Variants in PAPPA observed in about 807,000 individuals in gnomAD.
PAPPA encodes the protein pappalysin 1.
In PAPPA, 60 loss-of-function variants were observed where a neutral mutation model predicts 164.0. That is an observed-to-expected ratio of 0.37 (90% confidence interval 0.30 to 0.45). The LOEUF (loss-of-function observed/expected upper bound fraction) is 0.45. Among genes scored for constraint, PAPPA ranks in the 20% least tolerant of loss-of-function variants. PAPPA has a pLI of 1.00. For missense variants in PAPPA, 1,782 were observed against 2,087.3 expected, an observed-to-expected ratio of 0.85 and a Z score of 2.85; for synonymous variants, 875 against 814.1, an observed-to-expected ratio of 1.07 and a Z score of -1.27.
chr9:116,229,703 A>G (rs559356086), intron 6 of PAPPA, among the ~76,000 whole-genome samples: 1 of 152,344 alleles, frequency 6.6e-6, no homozygotes, highest in South Asian at 2.1e-4. Context: ...CATGTCATAA[A>G]GATTGCTCAG....
At chr9:116,294,435 G>A (rs1037878579) in intron 9 of PAPPA, among the ~76,000 whole-genome samples, 7 of 152,206 alleles carry the variant, frequency 4.6e-5, no homozygotes, top group Non-Finnish European at 8.8e-5. Context: ...ATCTGGTTGA[G>A]GAGGTTAAGA....
intron 9 of PAPPA, chr9:116,286,101 G>A (rs183296600): frequency 1.3e-5 from 2 of 152,286 alleles, no homozygotes; most frequent in East Asian, 3.9e-4. Flanking sequence ...GAGGTAGAAA[G>A]TATGCTATCT....
chr9:116,248,479 C>T (rs1564198066), intron 7 of PAPPA, among the ~76,000 whole-genome samples: 1 of 152,178 alleles, frequency 6.6e-6, no homozygotes, highest in Admixed American at 6.5e-5. Flanking sequence ...CAGCAGGTTA[C>T]ATGTCATGTT....
At chr9:116,312,312 G>A (rs150525980) in intron 10 of PAPPA, among the ~76,000 whole-genome samples, 3 of 64,872 alleles carry the variant, frequency 4.6e-5, no homozygotes, top group Non-Finnish European at 1.0e-4. Context: ...TTTTGTTATT[G>A]TTTTGTTTTA....
intron 7 of PAPPA, among the ~76,000 whole-genome samples, chr9:116,264,621 A>T (rs977856183): frequency 2.0e-5 from 3 of 152,230 alleles, no homozygotes; most frequent in Admixed American, 1.3e-4. Context: ...CTGAAATAAC[A>T]GACGGGCAGG....
intron 2 of PAPPA, among the ~76,000 whole-genome samples, chr9:116,193,398 A>G (rs564226326): frequency 1.3e-5 from 2 of 152,188 alleles, no homozygotes; most frequent in East Asian, 3.9e-4. Flanking sequence ...CATAAACTTC[A>G]TACTTTCCTC....
At chr9:116,243,076 G>T (rs1003555688) in intron 7 of PAPPA, among the ~76,000 whole-genome samples, 1 of 152,106 alleles carries the variant, frequency 6.6e-6, no homozygotes, top group Non-Finnish European at 1.5e-5. Flanking sequence ...CAGCCCTATT[G>T]CATGTCCATT....
Position 116,154,839 on chromosome 9 carries a change from G to A in PAPPA, c.415+252G>A, listed in dbSNP as rs1205844074. Among the ~76,000 whole-genome samples the A allele has an allele frequency of 6.6e-6, 1 of 152,176 alleles. No homozygotes were observed. Among genetic ancestry groups the A allele is most frequent in the African/African-American group, 2.4e-5 (1 of 41,452 alleles). On this transcript the variant is annotated intron_variant, in intron 1 of 21. Transcript: ENST00000328252. The surrounding 1 kb of genome is among the most constrained non-coding windows in gnomAD (Gnocchi z 5.2). ...TGGGGAGCCCTCCTGGCGGCCCCGC[G>A]GACCCTCGGCCAGTGAGGGCTGGTT...
intron 7 of PAPPA, among the ~76,000 whole-genome samples, chr9:116,264,098 A>AG (rs1295025044): frequency 2.0e-5 from 3 of 152,110 alleles, no homozygotes; most frequent in Admixed American, 6.5e-5. Context: ...GCATAATACA[A>AG]GGCATGTCAT....
chr9:116,321,864 C>A (rs1032262467), intron 10 of PAPPA, among the ~76,000 whole-genome samples: 1 of 152,090 alleles, frequency 6.6e-6, no homozygotes, highest in Non-Finnish European at 1.5e-5. Flanking sequence ...TTCAGATGGA[C>A]AAACAAGAAA....
At chr9:116,272,266 C>T (rs537556145) in intron 9 of PAPPA, among the ~76,000 whole-genome samples, 20 of 152,220 alleles carry the variant, frequency 1.3e-4, no homozygotes, top group Non-Finnish European at 2.1e-4. Context: ...CAGCTAATCC[C>T]CTGGGCTGGA....
At chr9:116,218,907 A>G (rs1458279930) in intron 4 of PAPPA, among the ~76,000 whole-genome samples, 3 of 152,224 alleles carry the variant, frequency 2.0e-5, no homozygotes, top group African/African-American at 7.2e-5. Flanking sequence ...CCAAAACTCC[A>G]GAGAAGGAAA....
intron 21 of PAPPA, among the ~76,000 whole-genome samples, chr9:116,385,608 TTTGCTAGCTCTGAATGCATTTCATACTG>T (rs1488765332): frequency 1.3e-5 from 2 of 152,246 alleles, no homozygotes; most frequent in African/African-American, 4.8e-5. Context: ...GAACCAGTTC[TTTGCTAGCTCTGAATGCATTTCATACTG>T]TTGTTTCCTC....
At chr9:116,193,854 C>G (rs1844072372) in intron 2 of PAPPA, among the ~76,000 whole-genome samples, 1 of 152,130 alleles carries the variant, frequency 6.6e-6, no homozygotes. Context: ...AACCACATAG[C>G]CTATAAGGCT....
At chr9:116,241,564 T>C (rs1844735868) in intron 7 of PAPPA, among the ~76,000 whole-genome samples, 1 of 152,186 alleles carries the variant, frequency 6.6e-6, no homozygotes, top group Non-Finnish European at 1.5e-5. Flanking sequence ...TATTTAACAG[T>C]GCTTGTGGTT....
intron 2 of PAPPA, among the ~76,000 whole-genome samples, chr9:116,194,682 G>C (rs961280136): frequency 6.6e-6 from 1 of 152,136 alleles, no homozygotes; most frequent in Middle Eastern, 3.2e-3. Context: ...GCACTCAAAT[G>C]GAGTCATCTG....
chr9:116,195,700 G>A (rs980209966), intron 2 of PAPPA, among the ~76,000 whole-genome samples: 1 of 152,094 alleles, frequency 6.6e-6, no homozygotes, highest in Non-Finnish European at 1.5e-5. Flanking sequence ...CTGTTGTTTG[G>A]GAATTGCCCT....
intron 2 of PAPPA, among the ~76,000 whole-genome samples, chr9:116,200,385 T>C (rs966800626): frequency 1.6e-4 from 24 of 152,200 alleles, no homozygotes; most frequent in Admixed American, 4.6e-4. Context: ...AAGAGACTAA[T>C]GGCTAAGGAT....
intron 7 of PAPPA, among the ~76,000 whole-genome samples, chr9:116,259,676 G>A (rs181399152): frequency 1.3e-5 from 2 of 152,252 alleles, no homozygotes; most frequent in Admixed American, 1.3e-4. Flanking sequence ...CAGCACTTTG[G>A]GAATGGGAAG....
Sources: allele counts gnomAD v4.1 joint callset (sites outside exome capture counted in the v4.1 genomes callset), GRCh38; gene constraint gnomAD v4.1.1; non-coding constraint Gnocchi (gnomAD v3.1); transcripts MANE v1.5; gene names NCBI Gene and HGNC (gene_info 2026-07-23, HGNC 2026-07-21).